Variants in LYPLAL1 observed in about 807,000 individuals in gnomAD.
The protein encoded by LYPLAL1 is lysophospholipase like 1, also known as lysophospholipase-like protein 1.
LYPLAL1 carries 23 observed loss-of-function variants against 19.7 expected under a neutral mutation model. That is an observed-to-expected ratio of 1.17 (90% CI 0.84 to 1.65). The LOEUF (loss-of-function observed/expected upper bound fraction) is 1.65. Ranked by LOEUF, LYPLAL1 falls within the 40% of genes most tolerant of loss-of-function variation. LYPLAL1 has a pLI of 0.00. For synonymous variants in LYPLAL1, 119 were observed against 96.3 expected (o/e 1.24, Z -1.38); for missense variants, 355 against 279.4 (o/e 1.27, Z -1.93).
chr1:219,373,473 A>G, the LYPLAL1 span, among the ~76,000 whole-genome samples: 3 of 152,060 alleles, frequency 2.0e-5, no homozygotes, highest in African/African-American at 7.2e-5. Context: ...TTCTGCTGTT[A>G]ATTATGTACA....
the LYPLAL1 span, among the ~76,000 whole-genome samples, chr1:219,423,337 T>C: frequency 3.3e-5 from 5 of 152,176 alleles, no homozygotes; most frequent in Non-Finnish European, 5.9e-5. Context: ...CCAGTGTTAG[T>C]GACATTCAAC....
At chr1:219,327,627 G>T in the LYPLAL1 span, among the ~76,000 whole-genome samples, 5 of 152,144 alleles carry the variant, frequency 3.3e-5, no homozygotes, top group African/African-American at 1.2e-4. Context: ...TCATTCCCTA[G>T]GAATAGTGTG....
At chr1:219,252,641 A>G in the LYPLAL1 span, among the ~76,000 whole-genome samples, 1 of 152,102 alleles carries the variant, frequency 6.6e-6, no homozygotes, top group African/African-American at 2.4e-5. Flanking sequence ...AGCCTACCTG[A>G]TGATGGTGGA....
At chr1:219,340,914 T>C in the LYPLAL1 span, among the ~76,000 whole-genome samples, 38 of 152,190 alleles carry the variant, frequency 2.5e-4, no homozygotes, top group African/African-American at 7.2e-4. Flanking sequence ...GAGTAATACC[T>C]CTGATCTCCT....
the LYPLAL1 span, among the ~76,000 whole-genome samples, chr1:219,258,777 A>C: frequency 6.6e-6 from 1 of 152,246 alleles, no homozygotes; most frequent in South Asian, 2.1e-4. Context: ...GATGGGCCTT[A>C]ATTAAACTAA....
the LYPLAL1 span, among the ~76,000 whole-genome samples, chr1:219,276,081 C>T: frequency 8.5e-4 from 130 of 152,288 alleles, 1 homozygote; most frequent in Middle Eastern, 6.8e-3. Flanking sequence ...TACTGCAGCT[C>T]CCTCTGCTTC....
At chr1:219,370,689 C>CA in the LYPLAL1 span, among the ~76,000 whole-genome samples, 1 of 152,178 alleles carries the variant, frequency 6.6e-6, no homozygotes, top group African/African-American at 2.4e-5. Context: ...CTTTTGAGAA[C>CA]ATGAACAACC....
chr1:219,306,845 T>TAGACAGAC, the LYPLAL1 span, among the ~76,000 whole-genome samples: 2,121 of 83,104 alleles, frequency 0.026, 41 homozygotes, highest in African/African-American at 0.059. Flanking sequence ...GATAGATAGA[T>TAGACAGAC]AGATAGACAG....
At chr1:219,330,407 A>T in the LYPLAL1 span, among the ~76,000 whole-genome samples, 1 of 152,206 alleles carries the variant, frequency 6.6e-6, no homozygotes, top group Non-Finnish European at 1.5e-5. Flanking sequence ...GTGACAATGA[A>T]TGAAACTGTA....
the LYPLAL1 span, among the ~76,000 whole-genome samples, chr1:219,293,054 G>T: frequency 6.6e-6 from 1 of 152,194 alleles, no homozygotes; most frequent in East Asian, 1.9e-4. Flanking sequence ...AGTAGATTCA[G>T]TGGTAAGGAA....
the LYPLAL1 span, among the ~76,000 whole-genome samples, chr1:219,412,178 G>A: frequency 2.0e-5 from 3 of 152,036 alleles, no homozygotes; most frequent in African/African-American, 4.8e-5. Context: ...CCCCCCAACA[G>A]GTACACACCA....
the LYPLAL1 span, among the ~76,000 whole-genome samples, chr1:219,366,424 AAC>A: frequency 5.3e-5 from 8 of 152,198 alleles, no homozygotes; most frequent in Non-Finnish European, 1.2e-4. Context: ...CTAATTAAAA[AAC>A]ACTCCGAATT....
the LYPLAL1 span, among the ~76,000 whole-genome samples, chr1:219,396,956 T>A: frequency 2.0e-5 from 3 of 152,264 alleles, no homozygotes; most frequent in South Asian, 4.1e-4. Flanking sequence ...CTATGTTGAG[T>A]AGGAGTGGTG....
chr1:219,442,204 A>G, the LYPLAL1 span, among the ~76,000 whole-genome samples: 1 of 151,970 alleles, frequency 6.6e-6, no homozygotes, highest in Non-Finnish European at 1.5e-5. Flanking sequence ...CTTCCTTTCC[A>G]TTTAATTTCC....
At chr1:219,265,525 T>TA in the LYPLAL1 span, among the ~76,000 whole-genome samples, 1 of 152,216 alleles carries the variant, frequency 6.6e-6, no homozygotes, top group Admixed American at 6.5e-5. Flanking sequence ...AGATGACAAT[T>TA]AAAAACAAGT....
the LYPLAL1 span, among the ~76,000 whole-genome samples, chr1:219,333,738 C>T: frequency 6.6e-6 from 1 of 152,000 alleles, no homozygotes. Context: ...TCCTTCAGCT[C>T]GTTCTCAGGT....
the LYPLAL1 span, among the ~76,000 whole-genome samples, chr1:219,419,085 G>A: frequency 6.6e-6 from 1 of 152,098 alleles, no homozygotes; most frequent in South Asian, 2.1e-4. Flanking sequence ...TCCAAGTTTT[G>A]GCAATTATAA....
the LYPLAL1 span, among the ~76,000 whole-genome samples, chr1:219,241,300 G>C: frequency 6.6e-6 from 1 of 151,028 alleles, no homozygotes; most frequent in Non-Finnish European, 1.5e-5. Context: ...ACCTACATAA[G>C]ACTATGACGT....
At chr1:219,223,540 T>G in the LYPLAL1 span, among the ~76,000 whole-genome samples, 8 of 152,322 alleles carry the variant, frequency 5.3e-5, no homozygotes, top group South Asian at 1.4e-3. Context: ...TATTATGTGC[T>G]TTTTCTTTGT....
Sources: gnomAD v4.1 joint callset for allele counts (sites outside exome capture counted in the v4.1 genomes callset) on GRCh38, gnomAD v4.1.1 for gene constraint, MANE v1.5 for transcripts, NCBI Gene and HGNC (gene_info 2026-07-23, HGNC 2026-07-21) for gene names.